The following TRAPPC9 variants were observed in gnomAD, a reference collection of about 807,000 sequenced individuals.
TRAPPC9 encodes IKK2 binding protein.
TRAPPC9 carries 83 observed loss-of-function variants against 124.0 expected under a neutral mutation model. The ratio of observed to expected loss-of-function variants is 0.67; its 90% CI spans 0.56 to 0.80. The LOEUF (loss-of-function observed/expected upper bound fraction) is 0.80, where lower values mean the gene tolerates loss of function less well. Among genes scored for constraint, TRAPPC9 ranks in the 30% least tolerant of loss-of-function variants. The pLI, the probability that TRAPPC9 is intolerant of heterozygous loss-of-function variation, is 0.00. For synonymous variants in TRAPPC9, 638 were observed against 617.5 expected (o/e 1.03, Z -0.49); for missense variants, 1,302 against 1,508.3 (o/e 0.86, Z 2.27).
chr8:140,190,131 A>G (rs2062453903), intron 17 of TRAPPC9, among the ~76,000 whole-genome samples: 1 of 152,180 alleles, frequency 6.6e-6, no homozygotes, highest in South Asian at 2.1e-4. Flanking sequence ...CAAGTTACTA[A>G]AACTCTATAG....
intron 19 of TRAPPC9, among the ~76,000 whole-genome samples, chr8:139,927,633 G>A (rs140176839): frequency 7.2e-5 from 11 of 152,270 alleles, no homozygotes; most frequent in African/African-American, 2.2e-4. Flanking sequence ...ATGAAAATAC[G>A]TCTATGCAGA....
chr8:140,424,328 C>A (rs1476088954), intron 5 of TRAPPC9, among the ~76,000 whole-genome samples: 2 of 149,626 alleles, frequency 1.3e-5, no homozygotes, highest in African/African-American at 2.5e-5. Context: ...TGAATGTACA[C>A]GAAATGTTTA....
intron 17 of TRAPPC9, among the ~76,000 whole-genome samples, chr8:140,037,636 A>C (rs542034317): frequency 3.5e-4 from 52 of 150,094 alleles, no homozygotes; most frequent in African/African-American, 1.0e-3. Context: ...ATACACACAC[A>C]CAAAACACAC....
chr8:140,432,144 AT>A (rs1344303822), intron 4 of TRAPPC9, among the ~76,000 whole-genome samples: 2 of 152,228 alleles, frequency 1.3e-5, no homozygotes, highest in Admixed American at 6.5e-5. Context: ...GACATTAAAA[AT>A]ATATGTGTAC....
intron 19 of TRAPPC9, among the ~76,000 whole-genome samples, chr8:139,987,227 T>C (rs372501233): frequency 1.3e-5 from 2 of 152,260 alleles, no homozygotes; most frequent in South Asian, 2.1e-4. Flanking sequence ...GGTCTTCTTG[T>C]GACCATATGT....
At chr8:140,458,468 A>T (rs1010888414), upstream of TRAPPC9, 2 of 1,572,202 alleles carry the variant, frequency 1.3e-6, no homozygotes, top group Non-Finnish European at 1.7e-6. Context: ...GAGCGCCTCC[A>T]GGATCGCAGG....
intron 17 of TRAPPC9, among the ~76,000 whole-genome samples, chr8:140,109,184 C>A (rs1386748072): frequency 6.6e-6 from 1 of 152,136 alleles, no homozygotes; most frequent in Non-Finnish European, 1.5e-5. Flanking sequence ...CATCCGTGGG[C>A]CGAGCACAGA....
At chr8:140,078,623 G>A (rs575921959) in intron 17 of TRAPPC9, among the ~76,000 whole-genome samples, 1 of 152,222 alleles carries the variant, frequency 6.6e-6, no homozygotes, top group Admixed American at 6.5e-5. Context: ...GGACAAAGAG[G>A]GGTCTGATAG....
At chr8:140,352,281 T>C (rs2067608916) in intron 9 of TRAPPC9, among the ~76,000 whole-genome samples, 1 of 152,226 alleles carries the variant, frequency 6.6e-6, no homozygotes, top group Non-Finnish European at 1.5e-5. Flanking sequence ...ATGAGTTAGC[T>C]CTCAAAAACT....
In TRAPPC9 at chr8:139,984,201, G is replaced by C. The variant is rs955913051; in HGVS notation, c.2810+4525C>G. On this transcript the variant is annotated intron_variant, in intron 19 of 22. Transcript: ENST00000438773. The surrounding 1 kb of genome is among the most constrained non-coding windows in gnomAD (Gnocchi z 4.3). ...CAGTTCTGCAAACGGCAGCATCCAAGCCATGTTAATTCCAGGAATCTGGCT... is the reference window on the plus strand; with the variant it reads ...CAGTTCTGCAAACGGCAGCATCCAACCCATGTTAATTCCAGGAATCTGGCT... Among the ~76,000 whole-genome samples the C allele has an allele frequency of 6.6e-6, 1 of 152,178 alleles. No homozygotes were observed. Among genetic ancestry groups the C allele is most frequent in the Non-Finnish European group, 1.5e-5 (1 of 68,030 alleles).
At chr8:140,025,189 C>A (rs1188613727) in intron 17 of TRAPPC9, among the ~76,000 whole-genome samples, 1 of 152,198 alleles carries the variant, frequency 6.6e-6, no homozygotes, top group Non-Finnish European at 1.5e-5. Context: ...CCCAGAGTAA[C>A]CACAGCAACA....
At chr8:139,957,481 TG>T (rs761878445) in intron 19 of TRAPPC9, among the ~76,000 whole-genome samples, 13 of 152,212 alleles carry the variant, frequency 8.5e-5, no homozygotes, top group Admixed American at 2.0e-4. Context: ...AAGTTGACTC[TG>T]GGGACCTAGG....
intron 17 of TRAPPC9, among the ~76,000 whole-genome samples, chr8:140,047,567 T>C (rs974224459): frequency 6.6e-6 from 1 of 151,956 alleles, no homozygotes; most frequent in Non-Finnish European, 1.5e-5. Flanking sequence ...GGGACAAGAG[T>C]GGGCTGGCTG....
chr8:139,741,178 G>T (rs1818533505), intron 21 of TRAPPC9, among the ~76,000 whole-genome samples: 1 of 152,076 alleles, frequency 6.6e-6, no homozygotes, highest in Non-Finnish European at 1.5e-5. Context: ...CCCCCTGGGT[G>T]TGAAGCTCCC....
At chr8:139,871,489 A>G (rs929446844) in intron 21 of TRAPPC9, among the ~76,000 whole-genome samples, 2 of 152,216 alleles carry the variant, frequency 1.3e-5, no homozygotes, top group Admixed American at 1.3e-4. Flanking sequence ...AGAAGGCACT[A>G]GGAGCACACC....
intron 21 of TRAPPC9, among the ~76,000 whole-genome samples, chr8:139,879,129 A>T (rs1187096990): frequency 2.0e-5 from 3 of 152,232 alleles, no homozygotes; most frequent in Non-Finnish European, 2.9e-5. Flanking sequence ...AGAAACTCCC[A>T]CAGGCCATGG....
chr8:140,032,109 C>T (rs1431747683), intron 17 of TRAPPC9, among the ~76,000 whole-genome samples: 2 of 152,188 alleles, frequency 1.3e-5, no homozygotes, highest in Non-Finnish European at 1.5e-5. Context: ...GTCTTTCCAG[C>T]GTCTCCAAAG....
At chr8:140,428,852 T>C (rs1303978299) in intron 4 of TRAPPC9, among the ~76,000 whole-genome samples, 1 of 152,114 alleles carries the variant, frequency 6.6e-6, no homozygotes, top group Non-Finnish European at 1.5e-5. Flanking sequence ...CCTACACAAA[T>C]GATTAATGCA....
chr8:140,093,609 A>G lies in TRAPPC9; in HGVS notation c.2557-69530T>C, dbSNP rs138621741. On this transcript the variant is annotated intron_variant, in intron 17 of 22. Transcript: ENST00000438773. ...CTTGAACTCAAGAGGCGGAGGGTGCAGTGAGCCAAGATCGTGCCACTGCAC... is the reference window on the plus strand; with the variant it reads ...CTTGAACTCAAGAGGCGGAGGGTGCGGTGAGCCAAGATCGTGCCACTGCAC... Among the ~76,000 whole-genome samples, 1,364 of 151,860 alleles carry G rather than the reference A, an allele frequency of 9.0e-3. 21 individuals carry two copies. Among genetic ancestry groups the G allele is most frequent in the African/African-American group, 0.03 (1,258 of 41,426 alleles).
Sources: allele counts gnomAD v4.1 joint callset (sites outside exome capture counted in the v4.1 genomes callset), GRCh38; gene constraint gnomAD v4.1.1; non-coding constraint Gnocchi (gnomAD v3.1); transcripts MANE v1.5; gene names NCBI Gene and HGNC (gene_info 2026-07-23, HGNC 2026-07-21).